ROBO2: variants seen among roughly 807,000 people sequenced by gnomAD.
ROBO2 encodes the protein roundabout guidance receptor 2.
Under a neutral mutation model 160.8 loss-of-function variants are expected in ROBO2, and 53 were observed. The ratio of observed to expected loss-of-function variants is 0.33; its 90% CI spans 0.26 to 0.41. ROBO2 has a LOEUF of 0.41. Among genes scored for constraint, ROBO2 ranks in the 10% least tolerant of loss-of-function variants. The pLI is 1.00. For missense variants in ROBO2, 1,577 were observed against 1,722.4 expected, an observed-to-expected ratio of 0.92 and a Z score of 1.49; for synonymous variants, 664 against 611.7, an observed-to-expected ratio of 1.09 and a Z score of -1.26.
intron 2 of ROBO2, among the ~76,000 whole-genome samples, chr3:76,631,598 C>A (rs1388095552): frequency 6.6e-6 from 1 of 151,616 alleles, no homozygotes; most frequent in Non-Finnish European, 1.5e-5. Flanking sequence ...AGCCTGGATC[C>A]CTATGAAATC....
chr3:76,860,667 CCCATGTGTTTT>C (rs892055727), intron 2 of ROBO2, among the ~76,000 whole-genome samples: 4 of 152,100 alleles, frequency 2.6e-5, no homozygotes, highest in African/African-American at 4.8e-5. Context: ...TGCAACCTAA[CCCATGTGTTTT>C]CCATTTTCCT....
intron 2 of ROBO2, among the ~76,000 whole-genome samples, chr3:76,415,345 G>T (rs970618244): frequency 1.1e-4 from 16 of 152,188 alleles, no homozygotes; most frequent in African/African-American, 3.9e-4. Flanking sequence ...TCTCAGAAAT[G>T]TCTGAAAGGC....
At chr3:77,064,443 A>G (rs1013049819) in intron 1 of ROBO2, among the ~76,000 whole-genome samples, 1 of 150,938 alleles carries the variant, frequency 6.6e-6, no homozygotes, top group African/African-American at 2.4e-5. Context: ...TCACTGAAAC[A>G]TCCGCCTCCC....
intron 2 of ROBO2, among the ~76,000 whole-genome samples, chr3:76,914,936 C>T (rs1316824780): frequency 6.6e-6 from 1 of 152,182 alleles, no homozygotes; most frequent in Non-Finnish European, 1.5e-5. Flanking sequence ...TGTTTTACCA[C>T]TGCCACACTG....
intron 2 of ROBO2, among the ~76,000 whole-genome samples, chr3:76,431,754 G>T (rs2076447276): frequency 6.6e-6 from 1 of 152,044 alleles, no homozygotes; most frequent in Non-Finnish European, 1.5e-5. Flanking sequence ...ATGCTAATCT[G>T]GTACCAAATA....
intron 2 of ROBO2, among the ~76,000 whole-genome samples, chr3:75,999,601 C>T (rs1170169855): frequency 1.3e-5 from 2 of 152,074 alleles, no homozygotes; most frequent in African/African-American, 4.8e-5. Flanking sequence ...ATGTGTGTGG[C>T]ATGTGCATGA....
chr3:76,444,087 T>G (rs1236228499), intron 2 of ROBO2, among the ~76,000 whole-genome samples: 1 of 152,066 alleles, frequency 6.6e-6, no homozygotes, highest in African/African-American at 2.4e-5. Context: ...TGCCTCAGCC[T>G]CCTGAGTAGC....
chr3:75,928,865 T>C (rs1947400190), intron 1 of ROBO2, among the ~76,000 whole-genome samples: 1 of 22,920 alleles, frequency 4.4e-5, no homozygotes, highest in Non-Finnish European at 9.5e-5. Flanking sequence ...ATAAGACGTG[T>C]GTGTGTGTGT....
intron 23 of ROBO2, among the ~76,000 whole-genome samples, chr3:77,622,964 G>C (rs990735077): frequency 1.3e-5 from 2 of 152,144 alleles, no homozygotes; most frequent in East Asian, 1.9e-4. Context: ...GCTGCATCTA[G>C]TAAATGCTTC....
intron 2 of ROBO2, among the ~76,000 whole-genome samples, chr3:76,443,722 G>A (rs1422621934): frequency 1.3e-5 from 2 of 152,034 alleles, no homozygotes; most frequent in East Asian, 3.9e-4. Flanking sequence ...TTCTTAAAAA[G>A]GCAACTTACT....
chr3:76,649,549 A>G (rs1431394679), intron 2 of ROBO2, among the ~76,000 whole-genome samples: 1 of 152,122 alleles, frequency 6.6e-6, no homozygotes, highest in African/African-American at 2.4e-5. Context: ...TTCTAAAATA[A>G]GAAGTTAAAA....
At chr3:76,247,596 T>C (rs1705697261) in intron 2 of ROBO2, among the ~76,000 whole-genome samples, 1 of 152,158 alleles carries the variant, frequency 6.6e-6, no homozygotes, top group Admixed American at 6.6e-5. Context: ...GTTGTTTGTT[T>C]GTTTTGAAAC....
intron 2 of ROBO2, among the ~76,000 whole-genome samples, chr3:76,085,120 C>T (rs1409392434): frequency 6.6e-6 from 1 of 150,512 alleles, no homozygotes; most frequent in Non-Finnish European, 1.5e-5. Flanking sequence ...TATATATACA[C>T]ACACACACAC....
At chr3:76,358,628 A>G (rs1416548739) in intron 2 of ROBO2, among the ~76,000 whole-genome samples, 3 of 152,076 alleles carry the variant, frequency 2.0e-5, no homozygotes, top group African/African-American at 7.2e-5. Flanking sequence ...ATAGCTGGAA[A>G]GAGAAAGGAG....
At chr3:76,454,183 A>C (rs1014403728) in intron 2 of ROBO2, among the ~76,000 whole-genome samples, 2 of 152,174 alleles carry the variant, frequency 1.3e-5, no homozygotes, top group Admixed American at 6.6e-5. Context: ...CAGAAGTTTC[A>C]ATTTTATTAC....
chr3:77,571,243 T>C (rs1479715037), intron 13 of ROBO2, among the ~76,000 whole-genome samples: 6 of 152,054 alleles, frequency 3.9e-5, no homozygotes, highest in African/African-American at 1.2e-4. Context: ...AAATTCACTT[T>C]GAATTTTTGC....
chr3:76,742,431 GT>G (rs1239003656), intron 2 of ROBO2, among the ~76,000 whole-genome samples: 2 of 152,112 alleles, frequency 1.3e-5, no homozygotes, highest in African/African-American at 4.8e-5. Flanking sequence ...AGCAAGAAAA[GT>G]TGCAAGCATA....
In ROBO2 at chr3:76,985,513, C is replaced by T. The variant is rs181527913; in HGVS notation, c.110-112501C>T. 7.5e-3 allele frequency among the ~76,000 whole-genome samples: 912 copies of T among 121,054 alleles called. 3 individuals carry two copies. Among genetic ancestry groups the T allele is most frequent in the Non-Finnish European group, 0.012 (718 of 62,414 alleles). 79.4% of individuals were successfully genotyped at this position (121,054 alleles called of 152,430 possible). A position where few individuals can be genotyped will look rare whatever the true frequency, so the allele number is the denominator to read the frequency against. On this transcript the variant is annotated intron_variant, in intron 2 of 26. Transcript: ENST00000487694. ...AGGAGAATGGTGGGAACCCAGGAGG[C>T]GGAGCTTGCAGTGAGCCAAGCCATT... is the stretch of plus-strand genomic sequence containing the variant.
chr3:76,727,504 G>C (rs1255069544), intron 2 of ROBO2, among the ~76,000 whole-genome samples: 1 of 152,154 alleles, frequency 6.6e-6, no homozygotes, highest in Admixed American at 6.5e-5. Flanking sequence ...AGACTCTAAT[G>C]TACTGAGAAT....
Sources: allele counts gnomAD v4.1 joint callset (sites outside exome capture counted in the v4.1 genomes callset), GRCh38; gene constraint gnomAD v4.1.1; transcripts MANE v1.5; gene names NCBI Gene and HGNC (gene_info 2026-07-23, HGNC 2026-07-21).